The following METTL15 variants were observed in gnomAD, a reference collection of about 807,000 sequenced individuals.
The protein encoded by METTL15 is 12S rRNA N(4)-cytidine methyltransferase METTL15.
A neutral mutation model predicts 38.3 loss-of-function variants in METTL15; 34 were observed. The observed-to-expected ratio is 0.89, with a 90% CI of 0.68 to 1.18. The LOEUF (loss-of-function observed/expected upper bound fraction) is 1.18. Ranked by LOEUF, METTL15 falls within the 50% of genes most tolerant of loss-of-function variation. The pLI is 0.00. For missense variants in METTL15, 438 were observed against 498.4 expected (o/e 0.88, Z 1.15); for synonymous variants, 162 against 170.9 (o/e 0.95, Z 0.41).
chr11:28,153,386 C>A (rs1279955085), intron 3 of METTL15, among the ~76,000 whole-genome samples: 2 of 152,116 alleles, frequency 1.3e-5, no homozygotes, highest in African/African-American at 2.4e-5. Flanking sequence ...TCCATGCTGG[C>A]AAATTCAAGT....
At chr11:28,301,891 A>C (rs541575544) in intron 6 of METTL15, among the ~76,000 whole-genome samples, 29 of 152,066 alleles carry the variant, frequency 1.9e-4, no homozygotes, top group African/African-American at 7.0e-4. Flanking sequence ...TAGTAAATAC[A>C]TTTTTTAGAA....
At chr11:28,131,328 A>G (rs1849327669) in intron 3 of METTL15, among the ~76,000 whole-genome samples, 1 of 152,158 alleles carries the variant, frequency 6.6e-6, no homozygotes, top group Non-Finnish European at 1.5e-5. Flanking sequence ...CCTCCTGTCC[A>G]CATTTAGCTT....
chr11:28,328,014 T>C (rs1487281689), intron 6 of METTL15: 1 of 1,407,252 alleles, frequency 7.1e-7, no homozygotes, highest in Non-Finnish European at 9.7e-7. Context: ...AAAAATATCC[T>C]GCAGTTCTTA....
intron 3 of METTL15, among the ~76,000 whole-genome samples, chr11:28,178,835 C>T (rs1418640713): frequency 6.6e-6 from 1 of 151,668 alleles, no homozygotes; most frequent in Non-Finnish European, 1.5e-5. Flanking sequence ...TTATAGGTTT[C>T]GTATATGTGT....
chr11:28,133,993 A>C (rs1849429452), intron 3 of METTL15, among the ~76,000 whole-genome samples: 1 of 152,234 alleles, frequency 6.6e-6, no homozygotes, highest in Admixed American at 6.5e-5. Context: ...ATGCATTACT[A>C]TACGAGTGAC....
chr11:28,278,150 A>G (rs1272775404), intron 4 of METTL15, among the ~76,000 whole-genome samples: 1 of 152,146 alleles, frequency 6.6e-6, no homozygotes, highest in Non-Finnish European at 1.5e-5. Flanking sequence ...TAGAAGGAGA[A>G]ATTATCACCA....
At chr11:28,293,970 G>T (rs1294394653) in intron 5 of METTL15, among the ~76,000 whole-genome samples, 2 of 152,116 alleles carry the variant, frequency 1.3e-5, no homozygotes, top group African/African-American at 2.4e-5. Context: ...AGACGATGGG[G>T]TTTTCTAGAT....
In METTL15 at chr11:28,464,052, G is replaced by A. The variant is rs527421222; in HGVS notation, c.*424+39688G>A. 1.3e-4 allele frequency among the ~76,000 whole-genome samples: 20 copies of A among 152,148 alleles called. No individual in the cohort carries two copies. The South Asian group carries it at 2.9e-3, about 22-fold the overall frequency. On this transcript the variant is annotated intron_variant and NMD_transcript_variant, in intron 6 of 7. Transcript: ENST00000532947. Reference sequence around the variant, plus strand: ...GATTTAATTTTACAACAATGCTGGCGTCATCTCAGCAAAGTTGAATCGTGT... The same window carrying A: ...GATTTAATTTTACAACAATGCTGGCATCATCTCAGCAAAGTTGAATCGTGT...
chr11:28,409,148 T>C (rs1452819091), intron 5 of METTL15, among the ~76,000 whole-genome samples: 3 of 151,928 alleles, frequency 2.0e-5, no homozygotes, highest in Non-Finnish European at 2.9e-5. Context: ...TTAGGGAGGC[T>C]GAGGTGGGCG....
At chr11:28,479,642 A>G (rs1851379074) in intron 6 of METTL15, among the ~76,000 whole-genome samples, 2 of 152,194 alleles carry the variant, frequency 1.3e-5, no homozygotes, top group African/African-American at 2.4e-5. Context: ...TCAAATAGTG[A>G]TAAATGATAT....
At chr11:28,489,395 C>T (rs1851474736) in intron 6 of METTL15, among the ~76,000 whole-genome samples, 1 of 152,156 alleles carries the variant, frequency 6.6e-6, no homozygotes, top group Non-Finnish European at 1.5e-5. Flanking sequence ...AGGATGCACT[C>T]CTTCACTCCC....
chr11:28,429,547 C>CG (rs1850895790), intron 6 of METTL15, among the ~76,000 whole-genome samples: 1 of 103,576 alleles, frequency 9.7e-6, no homozygotes, highest in Non-Finnish European at 2.0e-5. Flanking sequence ...TTGGTGGAGA[C>CG]GGGGTTTCGC....
intron 4 of METTL15, among the ~76,000 whole-genome samples, chr11:28,281,636 A>G (rs1297773147): frequency 6.6e-6 from 1 of 152,160 alleles, no homozygotes; most frequent in Non-Finnish European, 1.5e-5. Flanking sequence ...TTCCAAATGT[A>G]TTGATTTTTA....
At chr11:28,286,936 A>C (rs1048302171) in intron 4 of METTL15, among the ~76,000 whole-genome samples, 5 of 151,226 alleles carry the variant, frequency 3.3e-5, no homozygotes, top group African/African-American at 1.2e-4. Context: ...TACTCTCCGC[A>C]CTATATATAC....
intron 5 of METTL15, among the ~76,000 whole-genome samples, chr11:28,411,542 G>T (rs1300238036): frequency 6.6e-6 from 1 of 151,886 alleles, no homozygotes; most frequent in Non-Finnish European, 1.5e-5. Flanking sequence ...ACATGCAAAA[G>T]AATGAAATTC....
At chr11:28,467,965 T>C (rs1045784487) in intron 6 of METTL15, among the ~76,000 whole-genome samples, 5 of 152,102 alleles carry the variant, frequency 3.3e-5, no homozygotes, top group Admixed American at 3.3e-4. Flanking sequence ...ATCTAGGAAA[T>C]GGTTATTTTG....
intron 5 of METTL15, among the ~76,000 whole-genome samples, chr11:28,375,723 T>A (rs1328477959): frequency 6.6e-6 from 1 of 152,126 alleles, no homozygotes; most frequent in Non-Finnish European, 1.5e-5. Context: ...TGAATGTGTG[T>A]GCTCTTGCTT....
intron 4 of METTL15, among the ~76,000 whole-genome samples, chr11:28,232,632 T>C (rs1245113015): frequency 6.6e-6 from 1 of 151,926 alleles, no homozygotes; most frequent in African/African-American, 2.4e-5. Context: ...TCAGCAAGTA[T>C]ATTAAAAGGA....
chr11:28,230,928 T>A (rs1853660096), intron 4 of METTL15, among the ~76,000 whole-genome samples: 1 of 151,904 alleles, frequency 6.6e-6, no homozygotes, highest in South Asian at 2.1e-4. Flanking sequence ...AAGGCCTCTG[T>A]ACCACAAGAT....
Sources: gnomAD v4.1 joint callset for allele counts (sites outside exome capture counted in the v4.1 genomes callset) on GRCh38, gnomAD v4.1.1 for gene constraint, MANE v1.5 for transcripts, NCBI Gene and HGNC (gene_info 2026-07-23, HGNC 2026-07-21) for gene names.